The following UGT1A9 variants were observed in gnomAD, a reference collection of about 807,000 sequenced individuals.
The protein encoded by UGT1A9 is UDP-glucuronosyltransferase 1A9.
UGT1A9 carries 35 observed loss-of-function variants against 45.0 expected under a neutral mutation model. The observed-to-expected ratio is 0.78, with a 90% CI of 0.59 to 1.03. UGT1A9 has a LOEUF of 1.03. Ranked by LOEUF, UGT1A9 falls within the 50% of genes least tolerant of loss-of-function variation. The pLI, the probability that UGT1A9 is intolerant of heterozygous loss-of-function variation, is 0.00. For synonymous variants in UGT1A9, 278 were observed against 250.6 expected (o/e 1.11, Z -1.03); for missense variants, 687 against 666.6 (o/e 1.03, Z -0.34).
At chr2:233,721,865 G>T in intron 1 of UGT1A9, 1 of 504,992 alleles carries the variant, frequency 2.0e-6, no homozygotes, top group South Asian at 1.4e-5. Context: ...TCGGCCCTGG[G>T]CACACTTGCC....
rs562366711 is a variant in UGT1A9 at position 233,731,551 on chromosome 2, T to C, written c.856-35483T>C. On this transcript the variant is annotated intron_variant, in intron 1 of 4. Transcript: ENST00000354728. The stretch of plus-strand genomic sequence containing the variant: ...CATGCGGTGTTTGGTTTTCTGTCCA[T>C]GTGATAGTTTGCTGAGAATGATGGT... 4.6e-5 allele frequency among the ~76,000 whole-genome samples: 7 copies of C among 152,330 alleles called. 1 individual carries two copies. In the East Asian group the frequency reaches 1.4e-3, roughly 29 times the overall value.
Position 233,690,571 on chromosome 2 carries a change from C to T in UGT1A9, c.855+17782C>T. The T allele has an allele frequency of 2.3e-6, 3 of 1,288,856 alleles. 1 individual carries two copies. The African/African-American group carries it at 4.6e-5, about 20-fold the overall frequency. The allele number at this position is 1,288,856 out of a possible 1,614,324, so 79.8% of individuals were successfully genotyped here. A position where few individuals can be genotyped will look rare whatever the true frequency, so the allele number is the denominator to read the frequency against. On this transcript the variant is annotated intron_variant, in intron 1 of 4. Transcript: ENST00000354728. ...TATGTCCCAAGCCTGAGTCATTCAGCCTGCAGCAATCCCTGAGAAAAAAAA... is the reference window on the plus strand; with the variant it reads ...TATGTCCCAAGCCTGAGTCATTCAGTCTGCAGCAATCCCTGAGAAAAAAAA...
chr2:233,683,583 G>T (rs553617968), intron 1 of UGT1A9, among the ~76,000 whole-genome samples: 1 of 152,172 alleles, frequency 6.6e-6, no homozygotes, highest in South Asian at 2.1e-4. Context: ...TCCTACTCAA[G>T]AATATGAATC....
chr2:233,768,466 T>G (rs1161223448), intron 4 of UGT1A9, 27 bp downstream of exon 4: 2 of 1,605,760 alleles, frequency 1.2e-6, no homozygotes, highest in South Asian at 2.2e-5. Flanking sequence ...AGAAGAATAC[T>G]TTGGTCATGG....
At chr2:233,737,003 G>T (rs560792837) in intron 1 of UGT1A9, among the ~76,000 whole-genome samples, 1 of 152,206 alleles carries the variant, frequency 6.6e-6, no homozygotes, top group African/African-American at 2.4e-5. Flanking sequence ...TCAGGGACCC[G>T]CTTGAGGAGG....
intron 1 of UGT1A9, chr2:233,713,838 A>G (rs919092029): frequency 6.2e-7 from 1 of 1,613,974 alleles, no homozygotes. Context: ...CAACTGTGCC[A>G]ACGGGAAGCC....
chr2:233,675,838 T>C (rs2074337350), intron 1 of UGT1A9, among the ~76,000 whole-genome samples: 1 of 152,184 alleles, frequency 6.6e-6, no homozygotes, highest in Admixed American at 6.5e-5. Flanking sequence ...ACTGAACAAT[T>C]CATTTAATAT....
intron 1 of UGT1A9, among the ~76,000 whole-genome samples, chr2:233,710,674 T>G (rs938811866): frequency 9.9e-5 from 15 of 152,206 alleles, no homozygotes; most frequent in Non-Finnish European, 2.2e-4. Context: ...CAGATAGTTG[T>G]GTTTCTGTTT....
intron 1 of UGT1A9, among the ~76,000 whole-genome samples, chr2:233,710,453 C>T (rs1180857198): frequency 6.6e-6 from 1 of 152,190 alleles, no homozygotes; most frequent in African/African-American, 2.4e-5. Flanking sequence ...ACATTTTAGC[C>T]ATCCTAATGG....
chr2:233,747,362 G>T lies in UGT1A9; in HGVS notation c.856-19672G>T. 4 of 1,603,780 alleles carry T rather than the reference G, an allele frequency of 2.5e-6. No homozygotes were observed. In the South Asian group the frequency reaches 4.4e-5, roughly 18 times the overall value. On this transcript the variant is annotated intron_variant, in intron 1 of 4. Coordinates refer to ENST00000354728, the MANE Select transcript of UGT1A9 (RefSeq NM_021027.3). ...CTCGCATGCGGGAGGCCGTGCGGGA[G>T]CTCCATGCCAGAGGCCACCAGGCGG...
At position 233,769,852 on chromosome 2, in the gene UGT1A9, T is replaced by C; in HGVS notation, c.1295+1413T>C. On this transcript the variant is annotated intron_variant, in intron 4 of 4. Coordinates refer to ENST00000354728, the MANE Select transcript of UGT1A9 (RefSeq NM_021027.3). The surrounding 1 kb of genome is among the most constrained non-coding windows in gnomAD (Gnocchi z 4.4). ...CAACCTGGGCAACAGAGTGAGACCC[T>C]GTCTCAAAAAAAAAAAAAAAAATGA... The C allele has an allele frequency of 2.2e-6, 1 of 461,208 alleles. No individual in the cohort carries two copies. Among genetic ancestry groups the C allele is most frequent in the South Asian group, 5.8e-5 (1 of 17,366 alleles). The allele number at this position is 461,208 out of a possible 1,614,324, so 28.6% of individuals were successfully genotyped here.
Position 233,672,202 on chromosome 2 carries a change from T to G in UGT1A9, c.268T>G (p.Phe90Val). ...SYTLEDLDRE[F>V]KAFAHAQWKA... Reference sequence around the variant, plus strand: ...TACCCTGGAGGATCTGGACCGGGAGTTCAAGGCTTTTGCCCATGCTCAATG... The same window carrying G: ...TACCCTGGAGGATCTGGACCGGGAGGTCAAGGCTTTTGCCCATGCTCAATG... The change falls in exon 1 of 5, where the codon TTC becomes GTC. Residue 90 changes from phenylalanine (F) to valine (V), a missense_variant. Transcript: ENST00000354728. 1 of 1,614,018 alleles carries G rather than the reference T, an allele frequency of 6.2e-7. No individual in the cohort carries two copies. Among genetic ancestry groups the G allele is most frequent in the East Asian group, 2.2e-5 (1 of 44,882 alleles).
chr2:233,707,730 G>A (rs910069096), intron 1 of UGT1A9, among the ~76,000 whole-genome samples: 2 of 152,114 alleles, frequency 1.3e-5, no homozygotes, highest in Admixed American at 6.6e-5. Flanking sequence ...ATGTTACAAC[G>A]AACATTCTTT....
intron 1 of UGT1A9, chr2:233,747,485 C>T: frequency 6.2e-7 from 1 of 1,608,768 alleles, no homozygotes; most frequent in Non-Finnish European, 8.5e-7. Flanking sequence ...AATTTGATCG[C>T]CTTGTGCTGG....
At chr2:233,703,860 T>A (rs1410590992) in intron 1 of UGT1A9, among the ~76,000 whole-genome samples, 1 of 152,144 alleles carries the variant, frequency 6.6e-6, no homozygotes, top group African/African-American at 2.4e-5. Context: ...CTATTATTGA[T>A]GTAGATGGAA....
intron 1 of UGT1A9, among the ~76,000 whole-genome samples, chr2:233,766,201 G>T (rs544565545): frequency 2.4e-4 from 37 of 152,254 alleles, no homozygotes; most frequent in Admixed American, 4.6e-4. Flanking sequence ...CTCAGCAGAT[G>T]GGGGAAGCCA....
intron 1 of UGT1A9, chr2:233,721,831 C>G: frequency 3.9e-6 from 2 of 514,410 alleles, no homozygotes. Flanking sequence ...TTTGGGCCAC[C>G]GACCTTGTGT....
At chr2:233,676,737 A>T (rs910066256) in intron 1 of UGT1A9, among the ~76,000 whole-genome samples, 1 of 152,178 alleles carries the variant, frequency 6.6e-6, no homozygotes, top group South Asian at 2.1e-4. Context: ...TGATGTTTTC[A>T]TCGTGGTAAA....
rs552495015 is a variant in UGT1A9 at position 233,755,020 on chromosome 2, T to C, written c.856-12014T>C. On this transcript the variant is annotated intron_variant, in intron 1 of 4. Transcript: ENST00000354728. Reference sequence around the variant, plus strand: ...CTGAAGACCTACTCGAAGGGGTCCTTGAAGGGCCTGCCGCCTGCGCAGCCG... The same window carrying C: ...CTGAAGACCTACTCGAAGGGGTCCTCGAAGGGCCTGCCGCCTGCGCAGCCG... 4.2e-4 allele frequency: 552 copies of C among 1,304,914 alleles called. 2 individuals carry two copies. In the African/African-American group the frequency reaches 6.3e-3, roughly 15 times the overall value. 80.8% of individuals were successfully genotyped at this position (1,304,914 alleles called of 1,614,324 possible). A position where few individuals can be genotyped will look rare whatever the true frequency, so the allele number is the denominator to read the frequency against.
Sources: allele counts gnomAD v4.1 joint callset (sites outside exome capture counted in the v4.1 genomes callset), GRCh38; gene constraint gnomAD v4.1.1; non-coding constraint Gnocchi (gnomAD v3.1); transcripts MANE v1.5; gene names NCBI Gene and HGNC (gene_info 2026-07-23, HGNC 2026-07-21).